SMARCB1: variants seen among roughly 807,000 people sequenced by gnomAD.
SMARCB1 encodes the protein SWI/SNF related BAF chromatin remodeling complex subunit B1.
Under a neutral mutation model 49.0 loss-of-function variants are expected in SMARCB1, and 5 were observed. The observed-to-expected ratio is 0.10, with a 90% CI of 0.05 to 0.21. The LOEUF is 0.21. SMARCB1 is among the 10% of genes least tolerant of loss of function. SMARCB1 has a pLI of 1.00. For missense variants in SMARCB1, 226 were observed against 509.2 expected, an observed-to-expected ratio of 0.44 and a Z score of 5.35; for synonymous variants, 201 against 200.1, an observed-to-expected ratio of 1.00 and a Z score of -0.04.
intron 7 of SMARCB1, among the ~76,000 whole-genome samples, chr22:23,827,247 G>A (rs1005359594): frequency 6.6e-6 from 1 of 152,214 alleles, no homozygotes; most frequent in African/African-American, 2.4e-5. Flanking sequence ...ACCTAGTCCT[G>A]CAGCCGCTGC....
At chr22:23,801,521 A>G in intron 4 of SMARCB1, 1 of 389,994 alleles carries the variant, frequency 2.6e-6, no homozygotes, top group Non-Finnish European at 5.0e-6. Flanking sequence ...TCTGGGGCCC[A>G]GGAGCCTGGA....
intron 8 of SMARCB1, 126 bp downstream of exon 8, chr22:23,833,829 G>T: frequency 8.9e-7 from 1 of 1,126,554 alleles, no homozygotes; most frequent in South Asian, 1.3e-5. Context: ...GCTGCTAGAG[G>T]CAGGCAGGCT....
At chr22:23,806,638 T>C (rs1013143587) in intron 5 of SMARCB1, among the ~76,000 whole-genome samples, 2 of 152,168 alleles carry the variant, frequency 1.3e-5, no homozygotes, top group African/African-American at 4.8e-5. Context: ...AGAATCAGGA[T>C]TGGCCAGGCG....
At chr22:23,813,240 TG>T (rs1220090141) in intron 5 of SMARCB1, among the ~76,000 whole-genome samples, 2 of 152,256 alleles carry the variant, frequency 1.3e-5, no homozygotes, top group Admixed American at 1.3e-4. Flanking sequence ...ATATGTCTGC[TG>T]TCACTATTCT....
intron 5 of SMARCB1, among the ~76,000 whole-genome samples, chr22:23,812,923 G>A (rs551059173): frequency 6.8e-6 from 1 of 147,474 alleles, no homozygotes; most frequent in African/African-American, 2.5e-5. Context: ...GGAGTGCAGT[G>A]GCATGATCTC....
chr22:23,802,916 AT>A, intron 4 of SMARCB1: 1 of 365,072 alleles, frequency 2.7e-6, no homozygotes. Context: ...CAGTTCCTCC[AT>A]TCACCTGCCT....
chr22:23,795,903 G>A (rs919109705), intron 3 of SMARCB1, among the ~76,000 whole-genome samples: 2 of 149,114 alleles, frequency 1.3e-5, no homozygotes, highest in Non-Finnish European at 3.0e-5. Context: ...CGATTCTCTT[G>A]CCTCAGCCTC....
chr22:23,837,151 A>G lies in SMARCB1; in HGVS notation c.*2971A>G, dbSNP rs140089660. On this transcript the variant is annotated 3_prime_UTR_variant, in exon 9 of 9. Coordinates refer to ENST00000644036, the MANE Select transcript of SMARCB1 (RefSeq NM_003073.5). ...GAAGTAGTAGATATGGCCCACCGCA[A>G]TCCCTGTGAGACAGCCACGGACTGT... 3.7e-6 allele frequency: 6 copies of G among 1,613,690 alleles called. No homozygotes were observed. In the African/African-American group the frequency reaches 5.3e-5, roughly 14 times the overall value.
Position 23,808,545 on chromosome 22 carries a change from T to G in SMARCB1, c.628+5123T>G, listed in dbSNP as rs9612436. 1.3e-4 allele frequency among the ~76,000 whole-genome samples: 19 copies of G among 149,696 alleles called. No individual in the cohort carries two copies. In the South Asian group the frequency reaches 1.5e-3, roughly 12 times the overall value. ...TGCTGGGATTACAGGCGTGAGCCACTGCGCCCGGCCAAATGATGGTAGATT... is the reference window on the plus strand; with the variant it reads ...TGCTGGGATTACAGGCGTGAGCCACGGCGCCCGGCCAAATGATGGTAGATT... On this transcript the variant is annotated intron_variant, in intron 5 of 8. Transcript: ENST00000644036.
At chr22:23,789,783 T>G (rs1322485721) in intron 1 of SMARCB1, among the ~76,000 whole-genome samples, 2 of 152,180 alleles carry the variant, frequency 1.3e-5, no homozygotes, top group Non-Finnish European at 2.9e-5. Context: ...AGAGCTCTAT[T>G]GAAATTCAGT....
chr22:23,833,707 C>A lies in SMARCB1; in HGVS notation c.1118+4C>A, dbSNP rs374197835. On this transcript the variant is annotated splice_donor_region_variant and intron_variant, in intron 8 of 8. Transcript: ENST00000644036. ...GCGACCAGGACAGGAACACGAGGTA[C>A]CCCTGGCCCTGTGGTCCTGGGCTCT... The A allele has an allele frequency of 1.2e-6, 2 of 1,613,938 alleles. No homozygotes were observed. Among genetic ancestry groups the A allele is most frequent in the Non-Finnish European group, 1.7e-6 (2 of 1,179,988 alleles).
intron 6 of SMARCB1, chr22:23,817,286 C>A: frequency 5.0e-6 from 2 of 401,464 alleles, no homozygotes; most frequent in South Asian, 5.5e-5. Flanking sequence ...CCTTAGTGGC[C>A]ATATTACAGG....
intron 3 of SMARCB1, among the ~76,000 whole-genome samples, chr22:23,795,342 C>A (rs997723169): frequency 2.6e-5 from 4 of 152,064 alleles, no homozygotes; most frequent in African/African-American, 9.7e-5. Context: ...AACAGAACGA[C>A]ACTCTTTGTC....
intron 4 of SMARCB1, chr22:23,803,056 C>T: frequency 1.7e-6 from 1 of 602,532 alleles, no homozygotes. Flanking sequence ...TCCAACACTG[C>T]CCAGGTCGAT....
chr22:23,808,696 TTC>T (rs1369231608), intron 5 of SMARCB1, among the ~76,000 whole-genome samples: 2 of 148,974 alleles, frequency 1.3e-5, no homozygotes, highest in African/African-American at 5.0e-5. Context: ...ATATTGGACA[TTC>T]TTTTTTTTTT....
chr22:23,819,520 C>T (rs766030322), intron 6 of SMARCB1, among the ~76,000 whole-genome samples: 17 of 151,912 alleles, frequency 1.1e-4, no homozygotes, highest in African/African-American at 2.4e-4. Flanking sequence ...TAATAGAGAC[C>T]GGGTTTCACC....
intron 4 of SMARCB1, 122 bp from the exon 5 acceptor site, chr22:23,803,173 G>C (rs1929274085): frequency 1.5e-6 from 2 of 1,329,244 alleles, no homozygotes; most frequent in African/African-American, 1.4e-5. Context: ...GCTGTTAGCT[G>C]ACAAGCGGCC....
intron 6 of SMARCB1, chr22:23,818,011 A>C (rs1048141877): frequency 1.5e-4 from 23 of 152,226 alleles, no homozygotes; most frequent in African/African-American, 5.5e-4. Context: ...TTTTTAGTAG[A>C]GACAGGGTTT....
At chr22:23,831,755 T>C (rs1414461150) in intron 7 of SMARCB1, among the ~76,000 whole-genome samples, 1 of 152,174 alleles carries the variant, frequency 6.6e-6, no homozygotes, top group Non-Finnish European at 1.5e-5. Flanking sequence ...ACCTTTCACG[T>C]CTGCCCTCCA....
Sources: allele counts gnomAD v4.1 joint callset (sites outside exome capture counted in the v4.1 genomes callset), GRCh38; gene constraint gnomAD v4.1.1; transcripts MANE v1.5; gene names NCBI Gene and HGNC (gene_info 2026-07-23, HGNC 2026-07-21).